The following HMCN2 variants were observed in gnomAD, a reference collection of about 807,000 sequenced individuals.
The protein encoded by HMCN2 is hemicentin 2.
In HMCN2, 325 loss-of-function variants were observed where a neutral mutation model predicts 377.5. The ratio of observed to expected loss-of-function variants is 0.86; its 90% CI spans 0.79 to 0.94. HMCN2 has a LOEUF of 0.94. Among genes scored for constraint, HMCN2 ranks in the 40% least tolerant of loss-of-function variants. HMCN2 has a pLI of 0.00. For missense variants in HMCN2, 4,543 were observed against 4,725.3 expected, an observed-to-expected ratio of 0.96 and a Z score of 1.13; for synonymous variants, 2,007 against 2,046.8, an observed-to-expected ratio of 0.98 and a Z score of 0.53.
Position 130,433,348 on chromosome 9 carries a change from G to A in HMCN2, c.14895G>A (p.Gly4965=). ...PATYRQGPSP[G]TCFRRCSQDC... ...GTCCGTGTGTCTGTGCCGCCCGCAG[G>A]ACGTGCTTCCGGCGCTGCTCGCAGG... is the stretch of plus-strand genomic sequence containing the variant. Residue 4965 remains glycine (G), a splice_region_variant and synonymous_variant, in exon 98 of 98, where the codon GGG becomes GGA. Coordinates refer to ENST00000683500, the MANE Select transcript of HMCN2 (RefSeq NM_001291815.2). The A allele has an allele frequency of 6.9e-7, 1 of 1,445,932 alleles. No homozygotes were observed. Among genetic ancestry groups the A allele is most frequent in the South Asian group, 1.4e-5 (1 of 71,834 alleles). The allele number at this position is 1,445,932 out of a possible 1,614,324, so 89.6% of individuals were successfully genotyped here.
Position 130,423,729 on chromosome 9 carries a change from G to A in HMCN2, c.13381+1003G>A, listed in dbSNP as rs1844152703. 6.6e-6 allele frequency among the ~76,000 whole-genome samples: 1 copy of A among 152,226 alleles called. No homozygotes were observed. Among genetic ancestry groups the A allele is most frequent in the Admixed American group, 6.5e-5 (1 of 15,284 alleles). On this transcript the variant is annotated intron_variant, in intron 87 of 97. Coordinates refer to ENST00000683500, the MANE Select transcript of HMCN2 (RefSeq NM_001291815.2). This position sits in a 1 kb window ranked among gnomAD's most constrained non-coding sequence, Gnocchi z 5.5. Reference sequence around the variant, plus strand: ...ATGGCCCCACCTGGTCCTGCGTGGAGGGCGGGGCATCACATGAAGAAGATC... The same window carrying A: ...ATGGCCCCACCTGGTCCTGCGTGGAAGGCGGGGCATCACATGAAGAAGATC...
At chr9:130,325,096 C>CTTTT (rs878863979) in intron 19 of HMCN2, among the ~76,000 whole-genome samples, 2,052 of 128,014 alleles carry the variant, frequency 0.016, 80 homozygotes, top group African/African-American at 0.049. Flanking sequence ...TCTTCTTCTT[C>CTTTT]TTTTTTTTTT....
At chr9:130,420,687 C>G (rs1843958316) in intron 86 of HMCN2, among the ~76,000 whole-genome samples, 1 of 152,080 alleles carries the variant, frequency 6.6e-6, no homozygotes, top group Non-Finnish European at 1.5e-5. Context: ...TCACCCCCAC[C>G]TCTGCCTTCA....
chr9:130,389,130 C>G lies in HMCN2; in HGVS notation c.9523+590C>G, dbSNP rs1205520655. 3.3e-5 allele frequency among the ~76,000 whole-genome samples: 5 copies of G among 152,316 alleles called. No individual in the cohort carries two copies. The East Asian group carries it at 9.6e-4, about 29-fold the overall frequency. On this transcript the variant is annotated intron_variant, in intron 62 of 97. Transcript: ENST00000683500. Reference sequence around the variant, plus strand: ...TTGTCTGGTGGAAATCCGTCCACAGCAGGGGCCGGCACTGCCAGCCACCTC... The same window carrying G: ...TTGTCTGGTGGAAATCCGTCCACAGGAGGGGCCGGCACTGCCAGCCACCTC...
At chr9:130,277,802 C>T (rs1217547388) in intron 1 of HMCN2, among the ~76,000 whole-genome samples, 34 of 74,502 alleles carry the variant, frequency 4.6e-4, no homozygotes, top group East Asian at 8.9e-4. Context: ...ATCATCATCA[C>T]CACCACCACC....
At chr9:130,381,719 C>T (rs1465815270) in intron 54 of HMCN2, among the ~76,000 whole-genome samples, 3 of 152,030 alleles carry the variant, frequency 2.0e-5, no homozygotes, top group Non-Finnish European at 4.4e-5. Flanking sequence ...GCGATGCCTC[C>T]CCAGCCCCTA....
At chr9:130,275,746 G>A (rs1229490836) in intron 1 of HMCN2, among the ~76,000 whole-genome samples, 3 of 152,120 alleles carry the variant, frequency 2.0e-5, no homozygotes, top group Admixed American at 6.5e-5. Flanking sequence ...CACCACGCCC[G>A]GCCGTGACAT....
chr9:130,266,707 C>T (rs778503778), intron 1 of HMCN2, among the ~76,000 whole-genome samples: 1 of 152,230 alleles, frequency 6.6e-6, no homozygotes, highest in African/African-American at 2.4e-5. Flanking sequence ...GAAAGGGCAG[C>T]GCCTCTCGTG....
intron 4 of HMCN2, among the ~76,000 whole-genome samples, chr9:130,290,967 A>G (rs1384713032): frequency 1.3e-5 from 2 of 152,116 alleles, no homozygotes; most frequent in African/African-American, 4.8e-5. Flanking sequence ...CTGAAGGACT[A>G]TGATTTAGAG....
chr9:130,388,810 C>T (rs184892362), intron 62 of HMCN2, among the ~76,000 whole-genome samples: 9 of 152,288 alleles, frequency 5.9e-5, no homozygotes, highest in African/African-American at 7.2e-5. Flanking sequence ...AGACAGCAGA[C>T]GTGGGCTCTC....
intron 19 of HMCN2, among the ~76,000 whole-genome samples, chr9:130,322,948 C>T (rs1837932029): frequency 1.3e-5 from 2 of 152,168 alleles, no homozygotes. Context: ...AACGCGCGTT[C>T]CCCATTTTAT....
Position 130,304,954 on chromosome 9 carries a change from A to G in HMCN2, c.1768A>G (p.Ser590Gly), listed in dbSNP as rs1554936142. The change falls in exon 11 of 98, where the codon AGC (serine) becomes GGC (glycine). Residue 590 changes from serine (S) to glycine (G), a missense_variant. Transcript: ENST00000683500. The surrounding 1 kb of genome is among the most constrained non-coding windows in gnomAD (Gnocchi z 4.3). ...TDGGRYQCVA[S>G]NANGVTRASV... is the part of the protein sequence containing the mutation. ...CGGCGGGAGGTACCAGTGTGTGGCCAGCAATGCCAATGGGGTCACAAGGGC... is the reference window on the plus strand; with the variant it reads ...CGGCGGGAGGTACCAGTGTGTGGCCGGCAATGCCAATGGGGTCACAAGGGC... 2.1e-6 allele frequency: 1 copy of G among 471,136 alleles called. No homozygotes were observed. The highest frequency in any genetic ancestry group is 3.2e-4 in the Middle Eastern group (1 of 3,078). The allele number at this position is 471,136 out of a possible 1,614,324, so 29.2% of individuals were successfully genotyped here.
chr9:130,384,828 T>G (rs1841929315), intron 59 of HMCN2, 30 bp downstream of exon 59: 1 of 1,250,724 alleles, frequency 8.0e-7, no homozygotes, highest in Non-Finnish European at 1.1e-6. Flanking sequence ...CAACTTGTAC[T>G]GTCCCCACTC....
chr9:130,399,420 G>A (rs935784832), intron 75 of HMCN2, 91 bp from the exon 76 acceptor site: 11 of 1,163,024 alleles, frequency 9.5e-6, no homozygotes, highest in Non-Finnish European at 1.2e-5. Flanking sequence ...ATACAGGAAG[G>A]GGAAATGGGC....
chr9:130,429,430 C>G (rs1844598612), intron 93 of HMCN2, 127 bp from the exon 94 acceptor site: 47 of 1,232,158 alleles, frequency 3.8e-5, no homozygotes, highest in Non-Finnish European at 5.2e-5. Context: ...GGCCATGCAG[C>G]CTGGTGGCAC....
chr9:130,324,253 A>G (rs949361266), intron 19 of HMCN2, among the ~76,000 whole-genome samples: 10 of 152,304 alleles, frequency 6.6e-5, no homozygotes, highest in African/African-American at 1.7e-4. Context: ...GGGACTTCAT[A>G]GAAGTGGAAT....
chr9:130,318,968 C>T (rs941797594), intron 15 of HMCN2, among the ~76,000 whole-genome samples: 1 of 152,192 alleles, frequency 6.6e-6, no homozygotes, highest in Non-Finnish European at 1.5e-5. Context: ...TCCCGCCAGG[C>T]CCCCCAGGCC....
intron 15 of HMCN2, among the ~76,000 whole-genome samples, chr9:130,312,812 T>A (rs1837341222): frequency 6.6e-6 from 1 of 151,212 alleles, no homozygotes; most frequent in African/African-American, 2.4e-5. Flanking sequence ...ATTAGAGGCG[T>A]GCGTCACCAT....
chr9:130,385,877 T>A, intron 60 of HMCN2, 115 bp downstream of exon 60: 1 of 632,736 alleles, frequency 1.6e-6, no homozygotes, highest in Non-Finnish European at 2.4e-6. Context: ...CTCCTTGGCC[T>A]GTCAGACCCC....
Sources: allele counts gnomAD v4.1 joint callset (sites outside exome capture counted in the v4.1 genomes callset), GRCh38; gene constraint gnomAD v4.1.1; non-coding constraint Gnocchi (gnomAD v3.1); transcripts MANE v1.5; gene names NCBI Gene and HGNC (gene_info 2026-07-23, HGNC 2026-07-21).